Variants in THBS2 observed in about 807,000 individuals in gnomAD.
THBS2 encodes the protein thrombospondin 2.
In THBS2, 47 loss-of-function variants were observed where a neutral mutation model predicts 135.2. The observed-to-expected ratio is 0.35, with a 90% CI of 0.28 to 0.44. The LOEUF (loss-of-function observed/expected upper bound fraction) is 0.44. Among genes scored for constraint, THBS2 ranks in the 20% least tolerant of loss-of-function variants. The pLI, the probability that THBS2 is intolerant of heterozygous loss-of-function variation, is 1.00. For synonymous variants in THBS2, 639 were observed against 633.8 expected (o/e 1.01, Z -0.12); for missense variants, 1,288 against 1,603.1 (o/e 0.80, Z 3.36).
At chr6:169,236,887 G>A (rs560725833) in intron 9 of THBS2, among the ~76,000 whole-genome samples, 33 of 152,302 alleles carry the variant, frequency 2.2e-4, no homozygotes, top group Admixed American at 1.2e-3. Flanking sequence ...ACAGAGCTGC[G>A]GTGCTGGATC....
intron 15 of THBS2, among the ~76,000 whole-genome samples, chr6:169,227,125 T>A (rs1779655393): frequency 1.3e-5 from 2 of 152,072 alleles, no homozygotes; most frequent in African/African-American, 2.4e-5. Flanking sequence ...AAGATCAGAC[T>A]GAGAAACCCG....
rs1395677154 is a variant in THBS2 at position 169,222,459 on chromosome 6, T to G, written c.3011A>C (p.Glu1004Ala). 1.2e-6 allele frequency: 2 copies of G among 1,612,704 alleles called. No homozygotes were observed. The highest frequency in any genetic ancestry group is 2.7e-5 in the African/African-American group (2 of 74,880). ...SDPGIAVGFD[E>A]FGSVDFSGTF... ...GCCACTGAAGTCCACAGACCCAAAC[T>G]CGTCAAAACCTGGATGCAACGCCAT... Residue 1004 changes from glutamate (E) to alanine (A), a missense_variant, in exon 19 of 22, where the codon GAG (glutamate) becomes GCG (alanine). By Grantham distance (107) the Glu-to-Ala change is moderately radical. This residue lies in a region of THBS2 where 874 missense variants were observed against 1,156.1 expected (regional missense o/e 0.76). Coordinates refer to ENST00000617924, the MANE Select transcript of THBS2 (RefSeq NM_003247.5).
At chr6:169,221,221 T>C (rs1779418258) in intron 20 of THBS2, among the ~76,000 whole-genome samples, 2 of 152,200 alleles carry the variant, frequency 1.3e-5, no homozygotes, top group African/African-American at 2.4e-5. Context: ...ACAAAGCAGA[T>C]TGTATATTCT....
intron 13 of THBS2, among the ~76,000 whole-genome samples, chr6:169,231,097 C>T (rs1455706836): frequency 6.6e-6 from 1 of 152,104 alleles, no homozygotes; most frequent in Admixed American, 6.6e-5. Flanking sequence ...AGTGTCTTGG[C>T]GCCCGGGGAT....
At chr6:169,230,472 C>T (rs989075216) in intron 13 of THBS2, among the ~76,000 whole-genome samples, 17 of 152,278 alleles carry the variant, frequency 1.1e-4, no homozygotes, top group African/African-American at 4.1e-4. Flanking sequence ...GAAAGGAGAG[C>T]ATGTTGCTTG....
chr6:169,253,153 C>T (rs988501472), intron 1 of THBS2, among the ~76,000 whole-genome samples: 1 of 152,078 alleles, frequency 6.6e-6, no homozygotes, highest in African/African-American at 2.4e-5. Flanking sequence ...TTTTCAGCTG[C>T]TAATAATGTT....
chr6:169,251,830 AC>A (rs10714692), intron 1 of THBS2, among the ~76,000 whole-genome samples: 34,322 of 78,942 alleles, frequency 0.43, 4,872 homozygotes, highest in South Asian at 0.5. Flanking sequence ...TGCTGCTGGG[AC>A]CCCCCCCCCA....
chr6:169,216,849 A>G lies in THBS2; in HGVS notation c.*973T>C, dbSNP rs1327708482. On this transcript the variant is annotated 3_prime_UTR_variant, in exon 22 of 22. Coordinates refer to ENST00000617924, the MANE Select transcript of THBS2 (RefSeq NM_003247.5). The stretch of plus-strand genomic sequence containing the variant: ...TATTAACAAAATATTTATAACTGGA[A>G]CCTTAATGAAATGTATCATCAAATC... 2.0e-5 allele frequency: 3 copies of G among 152,210 alleles called. No homozygotes were observed. Among genetic ancestry groups the G allele is most frequent in the African/African-American group, 7.2e-5 (3 of 41,446 alleles). The allele number at this position is 152,210 out of a possible 1,614,324, so 9.4% of individuals were successfully genotyped here.
rs956724812 is a variant in THBS2 at position 169,215,837 on chromosome 6, G to A, written c.*1985C>T. 5 of 152,308 alleles carry A rather than the reference G, an allele frequency of 3.3e-5. No homozygotes were observed. Among genetic ancestry groups the A allele is most frequent in the African/African-American group, 1.2e-4 (5 of 41,352 alleles). The allele number at this position is 152,308 out of a possible 1,614,324, so 9.4% of individuals were successfully genotyped here. A position where few individuals can be genotyped will look rare whatever the true frequency, so the allele number is the denominator to read the frequency against. On this transcript the variant is annotated 3_prime_UTR_variant, in exon 22 of 22. Transcript: ENST00000617924. ...TCCTGTTGTTAATCTTTAAAAATGA[G>A]GTTCTAGCTAAGTGCAGGGTTTCAG...
intron 4 of THBS2, among the ~76,000 whole-genome samples, chr6:169,242,677 TTCCCAC>T (rs1780368200): frequency 1.9e-5 from 1 of 53,482 alleles, no homozygotes; most frequent in Admixed American, 2.0e-4. Flanking sequence ...CACTCCCACC[TTCCCAC>T]CTTCCCATCT....
In THBS2 at chr6:169,241,666, A is replaced by G; in HGVS notation, c.891+96T>C. ...TGGGTTTTTACATCGAGCATGAGGC[A>G]CTGCCAAGCCAGGGAATGTTGATAC... On this transcript the variant is annotated intron_variant, in intron 5 of 21. Transcript: ENST00000617924. The surrounding 1 kb of genome is among the most constrained non-coding windows in gnomAD (Gnocchi z 5.5). 7.6e-7 allele frequency: 1 copy of G among 1,308,348 alleles called. No homozygotes were observed. The highest frequency in any genetic ancestry group is 1.1e-6 in the Non-Finnish European group (1 of 945,842). 81.0% of individuals were successfully genotyped at this position (1,308,348 alleles called of 1,614,324 possible). A position where few individuals can be genotyped will look rare whatever the true frequency, so the allele number is the denominator to read the frequency against.
In THBS2 at chr6:169,226,252, G is replaced by T. The variant is rs773791610; in HGVS notation, c.2466C>A (p.Asp822Glu). The change falls in exon 16 of 22, where the codon GAC becomes GAA. Residue 822 changes from aspartate (D) to glutamate (E), a missense_variant. This residue lies in a region of THBS2 where 874 missense variants were observed against 1,156.1 expected (regional missense o/e 0.76). Transcript: ENST00000617924. Reference protein sequence around the residue: ...RDNCPYVYNTDQRDTDGDGVG... With the variant: ...RDNCPYVYNTEQRDTDGDGVG... ...CACCGTCACCATCCGTGTCCCTCTG[G>T]TCAGTGTTGTAGACGTAGGGACAAT... 2 of 1,614,128 alleles carry T rather than the reference G, an allele frequency of 1.2e-6. No homozygotes were observed. The highest frequency in any genetic ancestry group is 1.7e-5 in the Admixed American group (1 of 60,032).
At chr6:169,237,032 G>T in intron 9 of THBS2, 138 bp downstream of exon 9, 1 of 963,450 alleles carries the variant, frequency 1.0e-6, no homozygotes, top group Non-Finnish European at 1.5e-6. Context: ...CGGGATGGCA[G>T]CCCCCTTTGC....
In THBS2 at chr6:169,241,837, C is replaced by T. The variant is rs145867791; in HGVS notation, c.816G>A (p.Glu272=). 46 of 1,612,836 alleles carry T rather than the reference C, an allele frequency of 2.9e-5. No individual in the cohort carries two copies. The African/African-American group carries it at 5.6e-4, about 20-fold the overall frequency. ...AGAGCTCCTGGACCATGTTTCCCAG[C>T]TCCTCGCACGAGCGTTCGCACACCT... ...RPEVCERSCE[E]LGNMVQELSG... Residue 272 remains glutamate, a synonymous_variant, in exon 5 of 22, where the codon GAG becomes GAA. Coordinates refer to ENST00000617924, the MANE Select transcript of THBS2 (RefSeq NM_003247.5). The surrounding 1 kb of genome is among the most constrained non-coding windows in gnomAD (Gnocchi z 5.5).
chr6:169,219,885 A>G, intron 21 of THBS2: 1 of 575,254 alleles, frequency 1.7e-6, no homozygotes, highest in South Asian at 1.4e-5. Context: ...TACCAATCTA[A>G]AATGGCGTCA....
intron 7 of THBS2, 24 bp from the exon 8 acceptor site, chr6:169,237,819 G>A (rs541984249): frequency 1.9e-6 from 3 of 1,600,544 alleles, no homozygotes; most frequent in Admixed American, 1.7e-5. Flanking sequence ...CAAACACGGT[G>A]GCATCAGGCC....
intron 4 of THBS2, among the ~76,000 whole-genome samples, chr6:169,243,137 C>CTTCCCACT (rs1780424453): frequency 7.3e-6 from 1 of 136,990 alleles, no homozygotes; most frequent in Non-Finnish European, 1.6e-5. Flanking sequence ...ACCTTCCCAC[C>CTTCCCACT]GCTCCCACCT....
At position 169,217,076 on chromosome 6, in the gene THBS2, G is replaced by GT. The variant is rs370945450; in HGVS notation, c.*745dup. The GT allele has an allele frequency of 1.3e-5, 2 of 152,358 alleles. No homozygotes were observed. Among genetic ancestry groups the GT allele is most frequent in the Admixed American group, 6.5e-5 (1 of 15,308 alleles). The allele number at this position is 152,358 out of a possible 1,614,324, so 9.4% of individuals were successfully genotyped here. On this transcript the variant is annotated 3_prime_UTR_variant, in exon 22 of 22. Transcript: ENST00000617924. ...TCTGCTAACCTTTTACTTAAATGAGGTTTTGCCAAATCCACATCTGGAACC... is the reference window on the plus strand; with the variant it reads ...TCTGCTAACCTTTTACTTAAATGAGGTTTTTGCCAAATCCACATCTGGAACC...
rs759985256 is a variant in THBS2, at chr6:169,228,191, T to C, written c.2350A>G (p.Asn784Asp). 1 of 1,614,076 alleles carries C rather than the reference T, an allele frequency of 6.2e-7. No individual in the cohort carries two copies. Among genetic ancestry groups the C allele is most frequent in the South Asian group, 1.1e-5 (1 of 91,078 alleles). ...TTGTCTGTGTCGATCTGGGCAGGGT[T>C]GTGCACGTAAGGGCAGTTGTCACAG... ...DRCDNCPYVH[N>D]PAQIDTDNNG... The change falls in exon 15 of 22, where the codon AAC becomes GAC. Residue 784 changes from asparagine (N) to aspartate (D), a missense_variant. Physicochemically the swap from Asn to Asp is conservative, Grantham distance 23. Around this residue, in one of 2 missense-constraint regions of THBS2, gnomAD observed 874 missense variants for 1,156.1 expected, o/e 0.76. Coordinates refer to ENST00000617924, the MANE Select transcript of THBS2 (RefSeq NM_003247.5).
Sources: allele counts gnomAD v4.1 joint callset (sites outside exome capture counted in the v4.1 genomes callset), GRCh38; gene constraint gnomAD v4.1.1; regional missense constraint gnomAD v4.1.1; non-coding constraint Gnocchi (gnomAD v3.1); transcripts MANE v1.5; gene names NCBI Gene and HGNC (gene_info 2026-07-23, HGNC 2026-07-21).